The following DHRSX variants were observed in gnomAD, a reference collection of about 807,000 sequenced individuals.
DHRSX encodes polyprenol dehydrogenase.
In DHRSX, 31 loss-of-function variants were observed where a neutral mutation model predicts 34.0. The observed-to-expected ratio is 0.91, with a 90% CI of 0.69 to 1.23. The LOEUF (loss-of-function observed/expected upper bound fraction) is 1.23. Among genes scored for constraint, DHRSX ranks in the 50% most tolerant of loss-of-function variants. The probability of loss-of-function intolerance (pLI) is 0.00; values close to 1 mark genes in which losing one functional copy is unlikely to be tolerated. For synonymous variants in DHRSX, 201 were observed against 183.8 expected (o/e 1.09, Z -0.76); for missense variants, 414 against 428.1 (o/e 0.97, Z 0.29).
chrX:2,258,868 G>A (rs1295762707), intron 5 of DHRSX, among the ~76,000 whole-genome samples: 1 of 152,242 alleles, frequency 6.6e-6, no homozygotes, highest in Non-Finnish European at 1.5e-5. Context: ...AATGAAACAT[G>A]GCTCAGGTGA....
chrX:2,229,594 G>T (rs896575593), intron 6 of DHRSX, among the ~76,000 whole-genome samples: 2 of 152,056 alleles, frequency 1.3e-5, no homozygotes, highest in African/African-American at 4.8e-5. Flanking sequence ...GCATAGGTAC[G>T]CATTTATGTG....
chrX:2,307,812 A>G (rs1442406134), intron 3 of DHRSX, among the ~76,000 whole-genome samples: 2 of 151,604 alleles, frequency 1.3e-5, no homozygotes, highest in African/African-American at 2.4e-5. Flanking sequence ...ATAAAAAACA[A>G]GGAAAAACAA....
intron 3 of DHRSX, among the ~76,000 whole-genome samples, chrX:2,407,280 C>T (rs1298916851): frequency 6.6e-6 from 1 of 152,122 alleles, no homozygotes; most frequent in Non-Finnish European, 1.5e-5. Context: ...CCAGTGAAAG[C>T]GTGGGCTAGG....
chrX:2,355,199 C>T (rs891854149), intron 3 of DHRSX, among the ~76,000 whole-genome samples: 4 of 151,770 alleles, frequency 2.6e-5, no homozygotes, highest in African/African-American at 4.8e-5. Context: ...TAAATAGAAA[C>T]GAAAAGAAAG....
intron 5 of DHRSX, among the ~76,000 whole-genome samples, chrX:2,250,306 T>C (rs967479087): frequency 2.6e-5 from 4 of 152,118 alleles, no homozygotes; most frequent in Non-Finnish European, 5.9e-5. Context: ...GAAAGGGTTC[T>C]TGGATCTCGT....
At chrX:2,355,461 A>T (rs1348379925) in intron 3 of DHRSX, among the ~76,000 whole-genome samples, 8 of 142,590 alleles carry the variant, frequency 5.6e-5, no homozygotes, top group Non-Finnish European at 7.5e-5. Context: ...GCAGTGAACC[A>T]AGATGGTGCC....
At chrX:2,304,312 A>ATGGATGGATGG (rs2042073330) in intron 3 of DHRSX, among the ~76,000 whole-genome samples, 2 of 97,184 alleles carry the variant, frequency 2.1e-5, no homozygotes, top group African/African-American at 4.3e-5. Flanking sequence ...TGGATGGATG[A>ATGGATGGATGG]ATGGATGGAT....
chrX:2,484,427 A>G (rs1240929041), intron 1 of DHRSX, among the ~76,000 whole-genome samples: 5 of 152,198 alleles, frequency 3.3e-5, no homozygotes, highest in African/African-American at 9.7e-5. Flanking sequence ...GCAACACAAA[A>G]GGACAGGCAG....
chrX:2,467,399 C>T (rs1186174973), intron 1 of DHRSX, among the ~76,000 whole-genome samples: 1 of 152,130 alleles, frequency 6.6e-6, no homozygotes, highest in East Asian at 1.9e-4. Flanking sequence ...TTAAGGTGCC[C>T]ACAGCATCCT....
intron 1 of DHRSX, among the ~76,000 whole-genome samples, chrX:2,449,062 G>A (rs1483041678): frequency 5.9e-5 from 9 of 152,040 alleles, no homozygotes; most frequent in Admixed American, 2.6e-4. Flanking sequence ...GGTGGCGGGC[G>A]CCTGTAATGC....
intron 1 of DHRSX, among the ~76,000 whole-genome samples, chrX:2,483,841 G>A (rs1305897555): frequency 6.7e-6 from 1 of 149,786 alleles, no homozygotes; most frequent in Non-Finnish European, 1.5e-5. Context: ...GGTTATTTTT[G>A]GAAGGCCCAC....
chrX:2,282,450 T>C (rs913590157), intron 4 of DHRSX, among the ~76,000 whole-genome samples: 3 of 84,296 alleles, frequency 3.6e-5, no homozygotes, highest in Non-Finnish European at 7.2e-5. Flanking sequence ...GGAGGAGAGA[T>C]GGGGGAAGGA....
chrX:2,369,524 T>A lies in DHRSX; in HGVS notation c.286+39221A>T, dbSNP rs747028702. ...TTTGTTTTTCTTTTTGGAGACAGAGTCTCGCCCTGTCACCCAGGCTGGAGT... is the reference window on the plus strand; with the variant it reads ...TTTGTTTTTCTTTTTGGAGACAGAGACTCGCCCTGTCACCCAGGCTGGAGT... On this transcript the variant is annotated intron_variant, in intron 3 of 6. Coordinates refer to ENST00000334651, the MANE Select transcript of DHRSX (RefSeq NM_145177.3). 7.9e-5 allele frequency among the ~76,000 whole-genome samples: 12 copies of A among 151,940 alleles called. No homozygotes were observed. In the South Asian group the frequency reaches 2.3e-3, roughly 29 times the overall value.
intron 1 of DHRSX, among the ~76,000 whole-genome samples, chrX:2,436,488 T>TTATTAC (rs1569501072): frequency 7.3e-6 from 1 of 137,752 alleles, no homozygotes; most frequent in Non-Finnish European, 1.5e-5. Flanking sequence ...ATTATTATTA[T>TTATTAC]TATTATTATT....
chrX:2,358,302 T>C (rs1240950762), intron 3 of DHRSX, among the ~76,000 whole-genome samples: 2 of 151,998 alleles, frequency 1.3e-5, no homozygotes, highest in African/African-American at 2.4e-5. Flanking sequence ...TTAAACAAAT[T>C]TACAAAACAA....
At chrX:2,387,909 A>AG (rs2043290751) in intron 3 of DHRSX, among the ~76,000 whole-genome samples, 1 of 150,486 alleles carries the variant, frequency 6.6e-6, no homozygotes, top group Admixed American at 6.6e-5. Context: ...CCCTGCAAAA[A>AG]AAAAAAAAAA....
intron 3 of DHRSX, among the ~76,000 whole-genome samples, chrX:2,321,641 C>A (rs1262013450): frequency 2.0e-5 from 3 of 152,074 alleles, no homozygotes; most frequent in Non-Finnish European, 4.4e-5. Flanking sequence ...TCTCAAGTAC[C>A]CAACCATGGT....
rs1467407666 is a variant in DHRSX, at chrX:2,320,578, G to A, written c.287-28975C>T. 2.7e-5 allele frequency among the ~76,000 whole-genome samples: 4 copies of A among 145,944 alleles called. No homozygotes were observed. The East Asian group carries it at 8.3e-4, about 30-fold the overall frequency. ...CCCAAAGTGCTGGGATTGCAGGCAT[G>A]AGCCACCGTGCCTGGCCCTGCAAGT... On this transcript the variant is annotated intron_variant, in intron 3 of 6. Coordinates refer to ENST00000334651, the MANE Select transcript of DHRSX (RefSeq NM_145177.3).
intron 3 of DHRSX, among the ~76,000 whole-genome samples, chrX:2,304,761 CTTCTT>C (rs1056887289): frequency 6.6e-6 from 1 of 152,126 alleles, no homozygotes; most frequent in African/African-American, 2.4e-5. Context: ...GCCAATTAAA[CTTCTT>C]TTCTTTATAA....
Sources: allele counts gnomAD v4.1 joint callset (sites outside exome capture counted in the v4.1 genomes callset), GRCh38; gene constraint gnomAD v4.1.1; transcripts MANE v1.5; gene names NCBI Gene and HGNC (gene_info 2026-07-23, HGNC 2026-07-21).